Variants in JAKMIP2 observed in about 807,000 individuals in gnomAD.
The protein encoded by JAKMIP2 is janus kinase and microtubule interacting protein 2.
JAKMIP2 carries 25 observed loss-of-function variants against 115.0 expected under a neutral mutation model. The ratio of observed to expected loss-of-function variants is 0.22; its 90% confidence interval spans 0.16 to 0.30. JAKMIP2 has a LOEUF of 0.30. Ranked by LOEUF, JAKMIP2 falls within the 10% of genes least tolerant of loss-of-function variation. JAKMIP2 has a pLI of 1.00. For missense variants in JAKMIP2, 642 were observed against 957.6 expected, an observed-to-expected ratio of 0.67 and a Z score of 4.35; for synonymous variants, 334 against 343.6, an observed-to-expected ratio of 0.97 and a Z score of 0.31.
At chr5:147,654,519 ATTG>A (rs1169879274) in intron 3 of JAKMIP2, among the ~76,000 whole-genome samples, 3 of 151,632 alleles carry the variant, frequency 2.0e-5, no homozygotes, top group African/African-American at 7.3e-5. Flanking sequence ...CTGCTTGTCT[ATTG>A]TTGGTGTATA....
chr5:147,703,003 C>A (rs970120679), intron 1 of JAKMIP2, among the ~76,000 whole-genome samples: 4 of 152,014 alleles, frequency 2.6e-5, no homozygotes, highest in African/African-American at 9.7e-5. Context: ...AAAGAAGATA[C>A]CCAGGGAAAT....
chr5:147,748,501 G>T (rs114847250), intron 1 of JAKMIP2, among the ~76,000 whole-genome samples: 2,638 of 152,206 alleles, frequency 0.017, 96 homozygotes, highest in African/African-American at 0.061. Flanking sequence ...TTCTAACAAA[G>T]AGCAGCTTGA....
At chr5:147,762,278 C>T (rs1226534665) in intron 1 of JAKMIP2, among the ~76,000 whole-genome samples, 1 of 151,960 alleles carries the variant, frequency 6.6e-6, no homozygotes, top group African/African-American at 2.4e-5. Flanking sequence ...ATGATGCAAA[C>T]CCTTATTTTT....
intron 3 of JAKMIP2, among the ~76,000 whole-genome samples, chr5:147,659,707 A>G (rs1000837381): frequency 4.6e-5 from 7 of 152,212 alleles, no homozygotes; most frequent in African/African-American, 1.7e-4. Flanking sequence ...TTTCTTCATC[A>G]GTCACTGTCG....
At chr5:147,759,678 G>A (rs1353470711) in intron 1 of JAKMIP2, among the ~76,000 whole-genome samples, 1 of 152,120 alleles carries the variant, frequency 6.6e-6, no homozygotes, top group Non-Finnish European at 1.5e-5. Flanking sequence ...ATGACAAGAA[G>A]CAGCTAACCT....
chr5:147,647,279 A>G (rs1171954003), intron 5 of JAKMIP2, among the ~76,000 whole-genome samples: 1 of 152,138 alleles, frequency 6.6e-6, no homozygotes, highest in Non-Finnish European at 1.5e-5. Context: ...ACATGATATT[A>G]GAAAAATTTT....
chr5:147,645,081 C>T, intron 5 of JAKMIP2, 85 bp from the exon 6 acceptor site: 1 of 1,274,660 alleles, frequency 7.8e-7, no homozygotes, highest in Non-Finnish European at 1.1e-6. Flanking sequence ...GAAAGCACCT[C>T]TGGAGACAGC....
At chr5:147,765,040 GAAA>G (rs1755105759) in intron 1 of JAKMIP2, among the ~76,000 whole-genome samples, 4 of 138,714 alleles carry the variant, frequency 2.9e-5, no homozygotes, top group African/African-American at 8.2e-5. Flanking sequence ...GAGAAAGAAA[GAAA>G]GAGAGAAGAG....
intron 1 of JAKMIP2, among the ~76,000 whole-genome samples, chr5:147,692,503 C>T (rs1751906328): frequency 1.3e-5 from 2 of 152,170 alleles, no homozygotes; most frequent in African/African-American, 4.8e-5. Context: ...TTCACAATAT[C>T]AGCTATTTTT....
In JAKMIP2 at chr5:147,591,516, A is replaced by C. The variant is rs1394934357; in HGVS notation, c.*191T>G. 1.4e-6 allele frequency: 1 copy of C among 696,952 alleles called. No individual in the cohort carries two copies. The highest frequency in any genetic ancestry group is 2.6e-6 in the Non-Finnish European group (1 of 390,520). The allele number at this position is 696,952 out of a possible 1,614,324, so 43.2% of individuals were successfully genotyped here. The stretch of plus-strand genomic sequence containing the variant: ...AGATTTTCAACAGGGTTGTGTAGGA[A>C]CTGTCAAGTAAGAAACCTTGAATAA... On this transcript the variant is annotated 3_prime_UTR_variant, in exon 22 of 22. Transcript: ENST00000616793.
chr5:147,751,695 C>T (rs1489113275), intron 1 of JAKMIP2, among the ~76,000 whole-genome samples: 3 of 152,098 alleles, frequency 2.0e-5, no homozygotes, highest in Non-Finnish European at 4.4e-5. Context: ...AGGAATTTTA[C>T]TCTTTTTCCT....
intron 17 of JAKMIP2, among the ~76,000 whole-genome samples, chr5:147,622,486 T>G (rs1756900086): frequency 6.6e-6 from 1 of 152,228 alleles, no homozygotes; most frequent in African/African-American, 2.4e-5. Flanking sequence ...GCACCTCACA[T>G]GAGTGGATTC....
At chr5:147,730,306 C>T (rs1037263854) in intron 1 of JAKMIP2, among the ~76,000 whole-genome samples, 2 of 152,164 alleles carry the variant, frequency 1.3e-5, no homozygotes, top group Admixed American at 1.3e-4. Flanking sequence ...TGTGTATGTC[C>T]TTGTAAAATT....
chr5:147,672,811 C>G (rs1467823328), intron 1 of JAKMIP2, among the ~76,000 whole-genome samples: 4 of 151,862 alleles, frequency 2.6e-5, no homozygotes, highest in African/African-American at 9.7e-5. Context: ...AAGCAGGTGC[C>G]GAGACACAAC....
At chr5:147,757,686 C>T (rs150020355) in intron 1 of JAKMIP2, among the ~76,000 whole-genome samples, 1 of 152,084 alleles carries the variant, frequency 6.6e-6, no homozygotes, top group Non-Finnish European at 1.5e-5. Flanking sequence ...TGAGATAATG[C>T]GTGTGGACAT....
At chr5:147,641,857 T>G in intron 7 of JAKMIP2, 93 bp from the exon 8 acceptor site, 1 of 1,032,390 alleles carries the variant, frequency 9.7e-7, no homozygotes, top group Non-Finnish European at 1.5e-6. Context: ...CCATAAGGCA[T>G]TATATTTGGA....
intron 1 of JAKMIP2, 70 bp downstream of exon 1, chr5:147,782,386 C>T: frequency 4.1e-6 from 6 of 1,473,000 alleles, no homozygotes; most frequent in Non-Finnish European, 5.5e-6. Context: ...AAGTTCAGGC[C>T]AGAAATGTAT....
intron 21 of JAKMIP2, among the ~76,000 whole-genome samples, chr5:147,597,093 G>C (rs1259824529): frequency 6.6e-6 from 1 of 150,838 alleles, no homozygotes; most frequent in Non-Finnish European, 1.5e-5. Flanking sequence ...ATGTTGGCCA[G>C]GCTGGTCTCG....
At chr5:147,602,871 G>T (rs1755780445) in intron 20 of JAKMIP2, among the ~76,000 whole-genome samples, 3 of 152,144 alleles carry the variant, frequency 2.0e-5, no homozygotes, top group South Asian at 2.1e-4. Context: ...TAAGGTTCTT[G>T]CTTCACTATG....
Sources: allele counts gnomAD v4.1 joint callset (sites outside exome capture counted in the v4.1 genomes callset), GRCh38; gene constraint gnomAD v4.1.1; transcripts MANE v1.5; gene names NCBI Gene and HGNC (gene_info 2026-07-23, HGNC 2026-07-21).